Variants in TEC observed in about 807,000 individuals in gnomAD.
TEC encodes the protein tyrosine-protein kinase Tec.
Under a neutral mutation model 93.0 loss-of-function variants are expected in TEC, and 72 were observed. The ratio of observed to expected loss-of-function variants is 0.77; its 90% confidence interval spans 0.64 to 0.94. TEC has a LOEUF of 0.94. TEC is among the 40% of genes least tolerant of loss of function. The pLI is 0.00. For missense variants in TEC, 630 were observed against 757.9 expected (o/e 0.83, Z 1.98); for synonymous variants, 249 against 247.7 (o/e 1.01, Z -0.05).
At chr4:48,265,206 A>G (rs747121503) in intron 1 of TEC, among the ~76,000 whole-genome samples, 38 of 152,064 alleles carry the variant, frequency 2.5e-4, no homozygotes, top group Non-Finnish European at 4.3e-4. Context: ...ATACAAATAT[A>G]TATGTATATA....
chr4:48,178,366 G>C (rs1361683396), intron 2 of TEC, among the ~76,000 whole-genome samples: 2 of 151,964 alleles, frequency 1.3e-5, no homozygotes, highest in South Asian at 2.1e-4. Flanking sequence ...TACCCTTTTT[G>C]CTTTTCTTTT....
intron 11 of TEC, 76 bp from the exon 12 acceptor site, chr4:48,146,475 C>G (rs1719916783): frequency 1.5e-6 from 2 of 1,338,474 alleles, no homozygotes; most frequent in Admixed American, 3.4e-5. Context: ...AGGAAACTCA[C>G]TTAGAAAATT....
intron 2 of TEC, among the ~76,000 whole-genome samples, chr4:48,212,110 A>AAAAAAAATAT: frequency 1.1e-4 from 14 of 122,260 alleles, no homozygotes; most frequent in African/African-American, 3.9e-4. Context: ...AAAAAAAAAA[A>AAAAAAAATAT]ATATATATAT....
chr4:48,245,820 T>G (rs547356777), intron 1 of TEC, among the ~76,000 whole-genome samples: 1 of 152,226 alleles, frequency 6.6e-6, no homozygotes, highest in South Asian at 2.1e-4. Context: ...ATTAAAAACA[T>G]TTACTTTGGG....
In TEC at chr4:48,228,164, C is replaced by T. The variant is rs561703250; in HGVS notation, c.138+313G>A. Among the ~76,000 whole-genome samples the T allele has an allele frequency of 7.9e-5, 12 of 152,200 alleles. No homozygotes were observed. In the South Asian group the frequency reaches 1.9e-3, roughly 24 times the overall value. On this transcript the variant is annotated intron_variant, in intron 2 of 17. Transcript: ENST00000381501. The stretch of plus-strand genomic sequence containing the variant: ...TGGACTTGGATACAATTTATATTTG[C>T]TAAAGAAGACTTTGATACATAATAA...
At chr4:48,240,581 T>C (rs962595952) in intron 1 of TEC, among the ~76,000 whole-genome samples, 6 of 152,190 alleles carry the variant, frequency 3.9e-5, no homozygotes, top group Admixed American at 2.0e-4. Flanking sequence ...CACAGTCTAA[T>C]GCAACAGTTG....
At chr4:48,266,854 GA>G (rs1313188505) in intron 1 of TEC, among the ~76,000 whole-genome samples, 38 of 146,310 alleles carry the variant, frequency 2.6e-4, no homozygotes, top group African/African-American at 7.5e-4. Flanking sequence ...AAAAAAAAAC[GA>G]AAAAAAAGTT....
chr4:48,179,575 G>A (rs576657586), intron 2 of TEC, among the ~76,000 whole-genome samples: 2 of 151,170 alleles, frequency 1.3e-5, no homozygotes, highest in African/African-American at 4.9e-5. Context: ...TTTTAGTAGA[G>A]ACAGGGTTTC....
At chr4:48,146,504 T>C in intron 11 of TEC, 105 bp from the exon 12 acceptor site, 1 of 983,836 alleles carries the variant, frequency 1.0e-6, no homozygotes, top group Non-Finnish European at 1.6e-6. Flanking sequence ...ATTCATTTAC[T>C]GCTCATCCTC....
intron 4 of TEC, 30 bp downstream of exon 4, chr4:48,171,338 T>C (rs781438240): frequency 3.2e-6 from 5 of 1,567,486 alleles, no homozygotes; most frequent in Non-Finnish European, 4.4e-6. Context: ...CCTAAAATTA[T>C]ATACAGAGTA....
At chr4:48,268,854 C>T (rs1301055704) in intron 1 of TEC, among the ~76,000 whole-genome samples, 1 of 152,204 alleles carries the variant, frequency 6.6e-6, no homozygotes, top group Non-Finnish European at 1.5e-5. Context: ...TAAGATCAAT[C>T]TTTCGAATCA....
intron 2 of TEC, among the ~76,000 whole-genome samples, chr4:48,227,437 G>A (rs1226198205): frequency 2.0e-5 from 3 of 152,044 alleles, no homozygotes; most frequent in Non-Finnish European, 4.4e-5. Context: ...GAGGTCAGGG[G>A]TTCAAGACCA....
At position 48,163,744 on chromosome 4, in the gene TEC, T is replaced by C; in HGVS notation, c.695A>G (p.Asn232Ser). The C allele has an allele frequency of 1.3e-6, 2 of 1,498,116 alleles. No individual in the cohort carries two copies. The highest frequency in any genetic ancestry group is 9.1e-7 in the Non-Finnish European group (1 of 1,098,712). The allele number at this position is 1,498,116 out of a possible 1,614,324, so 92.8% of individuals were successfully genotyped here. Reference protein sequence around the residue: ...KYGNEGYIPSNYVTGKKSNNL... With the variant: ...KYGNEGYIPSSYVTGKKSNNL... ...GTTTGATTTCTTTCCCGTTACGTAATTACTTGGGATATATCCTTCATTCCT... is the reference window on the plus strand; with the variant it reads ...GTTTGATTTCTTTCCCGTTACGTAACTACTTGGGATATATCCTTCATTCCT... Residue 232 changes from asparagine (N) to serine (S), a missense_variant, in exon 8 of 18, where the codon AAT becomes AGT. By Grantham distance (46) the Asn-to-Ser change is conservative. Around this residue, in one of 3 missense-constraint regions of TEC, gnomAD observed 335 missense variants for 351.5 expected, o/e 0.95. Coordinates refer to ENST00000381501, the MANE Select transcript of TEC (RefSeq NM_003215.3).
At chr4:48,237,595 T>C (rs62309359) in intron 1 of TEC, among the ~76,000 whole-genome samples, 11,858 of 152,150 alleles carry the variant, frequency 0.078, 651 homozygotes, top group East Asian at 0.25. Context: ...CAAAGAGTGA[T>C]TAGAGGTTGT....
At chr4:48,233,083 C>G (rs1723691315) in intron 1 of TEC, among the ~76,000 whole-genome samples, 2 of 152,126 alleles carry the variant, frequency 1.3e-5, no homozygotes, top group South Asian at 4.1e-4. Flanking sequence ...CTGGGAGAGA[C>G]TAAGTGCAGC....
chr4:48,196,599 G>T (rs937293956), intron 2 of TEC, among the ~76,000 whole-genome samples: 1 of 152,182 alleles, frequency 6.6e-6, no homozygotes, highest in African/African-American at 2.4e-5. Flanking sequence ...CACTAGTTTT[G>T]ATTAAGAAAC....
intron 1 of TEC, among the ~76,000 whole-genome samples, chr4:48,231,159 A>G (rs554423904): frequency 3.3e-5 from 5 of 152,266 alleles, no homozygotes; most frequent in Non-Finnish European, 7.4e-5. Context: ...GATAGAATTG[A>G]GAGCCACTAT....
chr4:48,245,099 C>T (rs1279163198), intron 1 of TEC, among the ~76,000 whole-genome samples: 2 of 152,180 alleles, frequency 1.3e-5, no homozygotes. Context: ...TTCAGACCAT[C>T]CTGGCCAACA....
intron 1 of TEC, among the ~76,000 whole-genome samples, chr4:48,240,763 G>C (rs1476454405): frequency 2.0e-5 from 3 of 151,826 alleles, no homozygotes; most frequent in South Asian, 2.1e-4. Flanking sequence ...TCAAATGGCA[G>C]ACTTTTTATA....
Sources: gnomAD v4.1 joint callset for allele counts (sites outside exome capture counted in the v4.1 genomes callset) on GRCh38, gnomAD v4.1.1 for gene constraint, gnomAD v4.1.1 regional missense constraint, MANE v1.5 for transcripts, NCBI Gene and HGNC (gene_info 2026-07-23, HGNC 2026-07-21) for gene names.